The following MGMT variants were observed in gnomAD, a reference collection of about 807,000 sequenced individuals.
MGMT encodes O-6-methylguanine-DNA methyltransferase.
A neutral mutation model predicts 15.9 loss-of-function variants in MGMT; 14 were observed. The ratio of observed to expected loss-of-function variants is 0.88; its 90% CI spans 0.58 to 1.37. The LOEUF (loss-of-function observed/expected upper bound fraction) is 1.37, where lower values mean the gene tolerates loss of function less well. Ranked by LOEUF, MGMT falls within the 40% of genes most tolerant of loss-of-function variation. The pLI, the probability that MGMT is intolerant of heterozygous loss-of-function variation, is 0.00. For synonymous variants in MGMT, 130 were observed against 118.2 expected (o/e 1.10, Z -0.65); for missense variants, 282 against 268.1 (o/e 1.05, Z -0.36).
chr10:129,703,363 G>T (rs1362699323), intron 2 of MGMT, among the ~76,000 whole-genome samples: 3 of 152,182 alleles, frequency 2.0e-5, no homozygotes, highest in East Asian at 1.9e-4. Flanking sequence ...GTGGGCAGAG[G>T]CTTGGTGTGC....
chr10:129,701,041 A>G (rs1021542298), intron 2 of MGMT: 1 of 152,236 alleles, frequency 6.6e-6, no homozygotes, highest in African/African-American at 2.4e-5. Context: ...TGGGGTGCTC[A>G]CTAGCTGGGT....
intron 2 of MGMT, among the ~76,000 whole-genome samples, chr10:129,680,110 G>A (rs768363536): frequency 5.3e-5 from 8 of 152,178 alleles, no homozygotes; most frequent in Non-Finnish European, 8.8e-5. Context: ...CATTCCTCTC[G>A]TTCATATCCT....
In MGMT at chr10:129,472,326, G is replaced by T. The variant is rs74889763; in HGVS notation, c.-13+5030G>T. Among the ~76,000 whole-genome samples, 525 of 152,164 alleles carry T rather than the reference G, an allele frequency of 3.5e-3. 3 individuals carry two copies. Among genetic ancestry groups the T allele is most frequent in the African/African-American group, 0.012 (490 of 41,510 alleles). On this transcript the variant is annotated intron_variant, in intron 1 of 4. Transcript: ENST00000651593. ...ACGATTATGCTTATTCGGTCTACCC[G>T]GGTAAGTATAGGCACACGAGACAGT...
In MGMT at chr10:129,566,943, G is replaced by C. The variant is rs898853484; in HGVS notation, c.125+30566G>C. On this transcript the variant is annotated intron_variant, in intron 2 of 4. Coordinates refer to ENST00000651593, the MANE Select transcript of MGMT (RefSeq NM_002412.5). The surrounding 1 kb of genome is among the most constrained non-coding windows in gnomAD (Gnocchi z 4.1). Reference sequence around the variant, plus strand: ...ATCAATGGAGATCAATACCCAGGAGGTGCCATCTCTCTTGGCGGGTGACAC... The same window carrying C: ...ATCAATGGAGATCAATACCCAGGAGCTGCCATCTCTCTTGGCGGGTGACAC... 2.0e-5 allele frequency among the ~76,000 whole-genome samples: 3 copies of C among 152,144 alleles called. No individual in the cohort carries two copies. The highest frequency in any genetic ancestry group is 4.4e-5 in the Non-Finnish European group (3 of 68,042).
At chr10:129,641,389 C>G (rs1186935292) in intron 2 of MGMT, among the ~76,000 whole-genome samples, 1 of 152,158 alleles carries the variant, frequency 6.6e-6, no homozygotes, top group Non-Finnish European at 1.5e-5. Flanking sequence ...TAACATGATT[C>G]CAGTCAAAAT....
rs148923229 is a variant in MGMT, at chr10:129,531,398, T to G, written c.-12-4843T>G. 5.8e-4 allele frequency among the ~76,000 whole-genome samples: 89 copies of G among 152,238 alleles called. 1 individual carries two copies. In the East Asian group the frequency reaches 0.016, roughly 28 times the overall value. ...CGATGGTTTCACTCCTGTCAGGTTT[T>G]CATGCTATTGAAACTCACTTTTCTC... On this transcript the variant is annotated intron_variant, in intron 1 of 4. Coordinates refer to ENST00000651593, the MANE Select transcript of MGMT (RefSeq NM_002412.5).
chr10:129,649,349 T>C (rs1847431534), intron 2 of MGMT, among the ~76,000 whole-genome samples: 1 of 151,970 alleles, frequency 6.6e-6, no homozygotes, highest in Non-Finnish European at 1.5e-5. Context: ...TCCCGCGACG[T>C]GGTAATGCAA....
intron 2 of MGMT, among the ~76,000 whole-genome samples, chr10:129,646,738 A>ATTTTTTT (rs1199725603): frequency 1.1e-5 from 1 of 93,896 alleles, no homozygotes; most frequent in Admixed American, 1.1e-4. Context: ...ATATATATAT[A>ATTTTTTT]TATATATATA....
intron 1 of MGMT, among the ~76,000 whole-genome samples, chr10:129,529,134 T>C (rs1845902720): frequency 6.7e-6 from 1 of 148,872 alleles, no homozygotes; most frequent in Non-Finnish European, 1.5e-5. Flanking sequence ...GAGCGGAGGC[T>C]GTGAAGCGAG....
chr10:129,678,924 C>T (rs1395438734), intron 2 of MGMT, among the ~76,000 whole-genome samples: 1 of 151,946 alleles, frequency 6.6e-6, no homozygotes, highest in Non-Finnish European at 1.5e-5. Flanking sequence ...AATACAAAAA[C>T]TCGCCGAGCG....
chr10:129,485,622 C>T (rs893798950), intron 1 of MGMT, among the ~76,000 whole-genome samples: 2 of 152,228 alleles, frequency 1.3e-5, no homozygotes, highest in Non-Finnish European at 2.9e-5. Flanking sequence ...ATTAGGGATG[C>T]TCCAACTGTA....
intron 2 of MGMT, among the ~76,000 whole-genome samples, chr10:129,633,471 C>A (rs1847233751): frequency 6.6e-6 from 1 of 152,142 alleles, no homozygotes; most frequent in Non-Finnish European, 1.5e-5. Context: ...ATGATAATGG[C>A]TGTTTTAGGG....
intron 2 of MGMT, among the ~76,000 whole-genome samples, chr10:129,579,706 A>G (rs1390397666): frequency 1.3e-5 from 2 of 152,212 alleles, no homozygotes; most frequent in African/African-American, 4.8e-5. Flanking sequence ...CTCAGAAACC[A>G]TCTCTGTCTG....
In MGMT at chr10:129,473,822, T is replaced by C. The variant is rs1845259475; in HGVS notation, c.-13+6526T>C. Among the ~76,000 whole-genome samples the C allele has an allele frequency of 2.6e-5, 4 of 152,304 alleles. No homozygotes were observed. The South Asian group carries it at 6.2e-4, about 24-fold the overall frequency. ...AGTGAGGACTTGGGGATGGCAAAGC[T>C]GTCCCTGCGTGTGCCTTGTGCCTAC... On this transcript the variant is annotated intron_variant, in intron 1 of 4. Transcript: ENST00000651593.
At chr10:129,490,690 A>G (rs1845460892) in intron 1 of MGMT, among the ~76,000 whole-genome samples, 2 of 152,180 alleles carry the variant, frequency 1.3e-5, no homozygotes, top group Non-Finnish European at 2.9e-5. Flanking sequence ...GTCCAGTCAC[A>G]TTAAAATAAT....
intron 3 of MGMT, among the ~76,000 whole-genome samples, chr10:129,723,917 A>G (rs906076834): frequency 3.3e-5 from 5 of 152,288 alleles, no homozygotes; most frequent in African/African-American, 9.6e-5. Flanking sequence ...TCTCGTATAC[A>G]TTGGTGGGTG....
intron 1 of MGMT, among the ~76,000 whole-genome samples, chr10:129,531,873 A>G (rs1349000016): frequency 6.6e-6 from 1 of 151,982 alleles, no homozygotes; most frequent in African/African-American, 2.4e-5. Context: ...GATCCTATTT[A>G]GGTTGTAAGC....
At chr10:129,740,103 A>T (rs559008076) in intron 3 of MGMT, among the ~76,000 whole-genome samples, 1 of 152,380 alleles carries the variant, frequency 6.6e-6, no homozygotes, top group South Asian at 2.1e-4. Flanking sequence ...CAGAGCCAAG[A>T]ATCAGTCTGC....
intron 2 of MGMT, among the ~76,000 whole-genome samples, chr10:129,543,027 TG>T (rs1184498249): frequency 6.6e-6 from 1 of 152,216 alleles, no homozygotes; most frequent in Non-Finnish European, 1.5e-5. Context: ...TTCAGGTTGA[TG>T]GCTAAAAAGA....
Sources: gnomAD v4.1 joint callset for allele counts (sites outside exome capture counted in the v4.1 genomes callset) on GRCh38, gnomAD v4.1.1 for gene constraint, Gnocchi (gnomAD v3.1) non-coding constraint, MANE v1.5 for transcripts, NCBI Gene and HGNC (gene_info 2026-07-23, HGNC 2026-07-21) for gene names.